SETBP1: variants seen among roughly 807,000 people sequenced by gnomAD.
SETBP1 encodes the protein SET-binding protein.
A neutral mutation model predicts 101.0 loss-of-function variants in SETBP1; 9 were observed. That is an observed-to-expected ratio of 0.09 (90% CI 0.05 to 0.16). The LOEUF (loss-of-function observed/expected upper bound fraction) is 0.16. SETBP1 is among the 10% of genes least tolerant of loss of function. The pLI, the probability that SETBP1 is intolerant of heterozygous loss-of-function variation, is 1.00. For missense variants in SETBP1, 1,858 were observed against 2,033.8 expected (o/e 0.91, Z 1.66); for synonymous variants, 818 against 788.5 (o/e 1.04, Z -0.63).
chr18:44,852,714 C>T (rs1466214255), intron 2 of SETBP1, among the ~76,000 whole-genome samples: 2 of 152,184 alleles, frequency 1.3e-5, no homozygotes, highest in African/African-American at 4.8e-5. Flanking sequence ...AATGGCTTTT[C>T]CTGGGTGCCT....
At position 44,770,904 on chromosome 18, in the gene SETBP1, G is replaced by A. The variant is rs549040952; in HGVS notation, c.486+69072G>A. 4.5e-4 allele frequency among the ~76,000 whole-genome samples: 68 copies of A among 152,152 alleles called. 1 individual carries two copies. Among genetic ancestry groups the A allele is most frequent in the Admixed American group, 2.4e-3 (36 of 15,296 alleles). On this transcript the variant is annotated intron_variant, in intron 2 of 5. Transcript: ENST00000649279. ...TGACTCCAGACCCAGGATTGTCACCGGAAGGCAATATAGAGAACTGTGTGG... is the reference window on the plus strand; with the variant it reads ...TGACTCCAGACCCAGGATTGTCACCAGAAGGCAATATAGAGAACTGTGTGG...
chr18:44,821,875 C>T (rs950879111), intron 2 of SETBP1, among the ~76,000 whole-genome samples: 5 of 152,178 alleles, frequency 3.3e-5, no homozygotes, highest in Admixed American at 6.5e-5. Context: ...GTGTGCTGTC[C>T]GTAGCTAGGA....
At chr18:45,049,615 T>C (rs962488795) in intron 5 of SETBP1, among the ~76,000 whole-genome samples, 1 of 152,172 alleles carries the variant, frequency 6.6e-6, no homozygotes, top group African/African-American at 2.4e-5. Flanking sequence ...TAGTCTCTTG[T>C]GTTTACCATG....
intron 3 of SETBP1, among the ~76,000 whole-genome samples, chr18:44,941,041 T>A (rs1353373597): frequency 6.6e-6 from 1 of 151,970 alleles, no homozygotes; most frequent in Non-Finnish European, 1.5e-5. Flanking sequence ...TGGCTCATTG[T>A]CTTCTTGTTT....
intron 2 of SETBP1, among the ~76,000 whole-genome samples, chr18:44,850,697 G>C (rs2072836982): frequency 6.6e-6 from 1 of 151,782 alleles, no homozygotes; most frequent in Non-Finnish European, 1.5e-5. Flanking sequence ...ATCAGGAATA[G>C]GTGGAAAATC....
At chr18:44,847,175 G>A (rs1449589827) in intron 2 of SETBP1, among the ~76,000 whole-genome samples, 2 of 152,194 alleles carry the variant, frequency 1.3e-5, no homozygotes, top group Non-Finnish European at 1.5e-5. Context: ...TTAGAACATG[G>A]TTTAGGGCCA....
At chr18:44,905,602 A>C (rs1025238614) in intron 3 of SETBP1, among the ~76,000 whole-genome samples, 5 of 152,178 alleles carry the variant, frequency 3.3e-5, no homozygotes, top group African/African-American at 4.8e-5. Context: ...GAATTGGGTG[A>C]ACTTTCCAGG....
At position 44,841,271 on chromosome 18, in the gene SETBP1, C is replaced by A. The variant is rs527735520; in HGVS notation, c.487-27959C>A. Among the ~76,000 whole-genome samples, 3 of 152,268 alleles carry A rather than the reference C, an allele frequency of 2.0e-5. No individual in the cohort carries two copies. The South Asian group carries it at 6.2e-4, about 32-fold the overall frequency. On this transcript the variant is annotated intron_variant, in intron 2 of 5. Coordinates refer to ENST00000649279, the MANE Select transcript of SETBP1 (RefSeq NM_015559.3). ...CTGGCAAATTCCTCCCGGTTCTTGG[C>A]AGGAGACCTCCAGTTCTTCAGCGCA...
At chr18:44,813,415 G>A (rs1231673508) in intron 2 of SETBP1, among the ~76,000 whole-genome samples, 1 of 152,108 alleles carries the variant, frequency 6.6e-6, no homozygotes, top group South Asian at 2.1e-4. Flanking sequence ...AAAGAAAGAA[G>A]CCAATAGCCC....
At chr18:45,013,206 CA>C (rs2072874928) in intron 4 of SETBP1, among the ~76,000 whole-genome samples, 1 of 152,216 alleles carries the variant, frequency 6.6e-6, no homozygotes, top group African/African-American at 2.4e-5. Context: ...GCTGAGATAA[CA>C]TGGGGGGACC....
intron 2 of SETBP1, among the ~76,000 whole-genome samples, chr18:44,866,328 C>T (rs2069128421): frequency 6.6e-6 from 1 of 152,220 alleles, no homozygotes; most frequent in Admixed American, 6.5e-5. Flanking sequence ...TGGAAGATAT[C>T]TTAAGCCTGC....
intron 3 of SETBP1, chr18:44,877,502 T>C (rs1426554839): frequency 2.9e-6 from 1 of 343,000 alleles, no homozygotes; most frequent in African/African-American, 2.2e-5. Context: ...ATGGTTCCAC[T>C]CGTAACAGTA....
intron 4 of SETBP1, among the ~76,000 whole-genome samples, chr18:44,955,235 T>C (rs1040321232): frequency 6.6e-6 from 1 of 152,216 alleles, no homozygotes; most frequent in South Asian, 2.1e-4. Context: ...TTTCATGTGC[T>C]TGCATTTATA....
intron 2 of SETBP1, among the ~76,000 whole-genome samples, chr18:44,784,595 A>G (rs755982392): frequency 2.0e-5 from 3 of 152,190 alleles, no homozygotes; most frequent in Non-Finnish European, 4.4e-5. Context: ...TGAATTGTGA[A>G]TATTATTGAT....
chr18:44,813,500 C>T (rs763567927), intron 2 of SETBP1, among the ~76,000 whole-genome samples: 19 of 152,158 alleles, frequency 1.2e-4, no homozygotes, highest in Non-Finnish European at 2.6e-4. Context: ...GAGCTGAGTG[C>T]ATGCTAGACT....
chr18:44,942,807 A>G (rs558798203), intron 3 of SETBP1, among the ~76,000 whole-genome samples: 2 of 152,338 alleles, frequency 1.3e-5, no homozygotes, highest in Middle Eastern at 6.8e-3. Context: ...AAAGAGGTAT[A>G]TGGTAGGGCC....
intron 2 of SETBP1, among the ~76,000 whole-genome samples, chr18:44,760,560 C>T (rs1348670212): frequency 1.3e-5 from 2 of 152,170 alleles, no homozygotes; most frequent in Non-Finnish European, 2.9e-5. Flanking sequence ...TTATTCAGAA[C>T]CATTCTGGCT....
intron 2 of SETBP1, among the ~76,000 whole-genome samples, chr18:44,812,004 A>G (rs533443094): frequency 2.6e-5 from 4 of 152,352 alleles, no homozygotes; most frequent in Admixed American, 2.0e-4. Context: ...TAGGAGGCCC[A>G]GAAGCATCTG....
intron 3 of SETBP1, among the ~76,000 whole-genome samples, chr18:44,887,710 A>T (rs1252301227): frequency 6.6e-6 from 1 of 152,134 alleles, no homozygotes; most frequent in Non-Finnish European, 1.5e-5. Flanking sequence ...AGTGATACCC[A>T]CTCAGAGTGG....
Sources: allele counts gnomAD v4.1 joint callset (sites outside exome capture counted in the v4.1 genomes callset), GRCh38; gene constraint gnomAD v4.1.1; transcripts MANE v1.5; gene names NCBI Gene and HGNC (gene_info 2026-07-23, HGNC 2026-07-21).